Variants in RIMS1 observed in about 807,000 individuals in gnomAD.
The protein encoded by RIMS1 is regulating synaptic membrane exocytosis 1.
In RIMS1, 83 loss-of-function variants were observed where a neutral mutation model predicts 214.1. The observed-to-expected ratio is 0.39, with a 90% confidence interval of 0.32 to 0.47. RIMS1 has a LOEUF of 0.47. RIMS1 is among the 20% of genes least tolerant of loss of function. The pLI is 0.99. For synonymous variants in RIMS1, 793 were observed against 786.8 expected (o/e 1.01, Z -0.13); for missense variants, 2,050 against 2,161.8 (o/e 0.95, Z 1.03).
intron 2 of RIMS1, among the ~76,000 whole-genome samples, chr6:72,056,488 A>C (rs1252919139): frequency 6.6e-6 from 1 of 152,234 alleles, no homozygotes; most frequent in East Asian, 1.9e-4. Flanking sequence ...TGCCTTATGC[A>C]TTATTATGCA....
chr6:71,922,178 C>A (rs576091848), intron 1 of RIMS1, among the ~76,000 whole-genome samples: 1 of 152,216 alleles, frequency 6.6e-6, no homozygotes, highest in South Asian at 2.1e-4. Context: ...TAATACTTAT[C>A]ATTTTAAGCA....
chr6:72,182,161 A>T (rs1196776424), intron 5 of RIMS1, 123 bp from the exon 6 acceptor site: 2 of 1,093,560 alleles, frequency 1.8e-6, no homozygotes, highest in Admixed American at 2.9e-5. Flanking sequence ...CCACCTTCAG[A>T]TCCAAATCCC....
chr6:72,276,647 A>G (rs1445090565), intron 23 of RIMS1, among the ~76,000 whole-genome samples: 1 of 152,134 alleles, frequency 6.6e-6, no homozygotes, highest in Non-Finnish European at 1.5e-5. Flanking sequence ...CAAAATAAAT[A>G]CACTTTACAT....
At chr6:72,085,316 A>C (rs1834384060) in intron 2 of RIMS1, among the ~76,000 whole-genome samples, 1 of 152,210 alleles carries the variant, frequency 6.6e-6, no homozygotes, top group Non-Finnish European at 1.5e-5. Context: ...GATATTTAGA[A>C]TATTGCCTCT....
Position 72,402,514 on chromosome 6 carries a change from C to G in RIMS1, c.*1800C>G, listed in dbSNP as rs1404380585. On this transcript the variant is annotated 3_prime_UTR_variant, in exon 34 of 34. Transcript: ENST00000521978. Reference sequence around the variant, plus strand: ...TACACACTAGGTTTTAATTCATAGACATACTGCCTGCACCAAGTGAATTAT... The same window carrying G: ...TACACACTAGGTTTTAATTCATAGAGATACTGCCTGCACCAAGTGAATTAT... The G allele has an allele frequency of 6.6e-6, 1 of 152,608 alleles. No individual in the cohort carries two copies. The highest frequency in any genetic ancestry group is 6.5e-5 in the Admixed American group (1 of 15,278). 9.5% of individuals were successfully genotyped at this position (152,608 alleles called of 1,614,324 possible). A position where few individuals can be genotyped will look rare whatever the true frequency, so the allele number is the denominator to read the frequency against.
At chr6:72,132,417 A>G (rs150155692) in intron 4 of RIMS1, among the ~76,000 whole-genome samples, 4 of 152,282 alleles carry the variant, frequency 2.6e-5, no homozygotes, top group African/African-American at 9.6e-5. Context: ...AATTCATAAA[A>G]CATGTATTAC....
intron 25 of RIMS1, among the ~76,000 whole-genome samples, chr6:72,291,224 A>C (rs1370944492): frequency 6.6e-6 from 1 of 152,180 alleles, no homozygotes; most frequent in Non-Finnish European, 1.5e-5. Flanking sequence ...AATTTTAAAA[A>C]TCTTTTATAT....
At chr6:72,196,379 C>T (rs200690513) in intron 6 of RIMS1, among the ~76,000 whole-genome samples, 448 of 44,220 alleles carry the variant, frequency 0.01, 2 homozygotes, top group African/African-American at 0.03. Flanking sequence ...GTCTGTCTGT[C>T]TATCTATCTA....
At chr6:72,104,549 C>T (rs761747643) in intron 4 of RIMS1, among the ~76,000 whole-genome samples, 22 of 152,188 alleles carry the variant, frequency 1.4e-4, no homozygotes, top group African/African-American at 5.3e-4. Flanking sequence ...TGTTGGTAGC[C>T]GTTTCCTCTG....
rs1562007736 is a variant in RIMS1, at chr6:71,975,526, G to GATGTT, written c.245+6464_245+6468dup. Among the ~76,000 whole-genome samples, 6 of 152,230 alleles carry GATGTT rather than the reference G, an allele frequency of 3.9e-5. No homozygotes were observed. In the South Asian group the frequency reaches 1.2e-3, roughly 32 times the overall value. The stretch of plus-strand genomic sequence containing the variant: ...CATGGTACATGAATCAGTAAATTCT[G>GATGTT]ATGTTTTGTTTTGTTTGTAGTTTTT... On this transcript the variant is annotated intron_variant, in intron 2 of 33. Transcript: ENST00000521978.
chr6:71,945,466 A>G (rs1272801254), intron 1 of RIMS1, among the ~76,000 whole-genome samples: 1 of 152,158 alleles, frequency 6.6e-6, no homozygotes, highest in Non-Finnish European at 1.5e-5. Context: ...AAGGAATTCT[A>G]TTGACAGTAC....
At chr6:71,983,433 C>A (rs537971757) in intron 2 of RIMS1, among the ~76,000 whole-genome samples, 1 of 150,490 alleles carries the variant, frequency 6.6e-6, no homozygotes, top group African/African-American at 2.4e-5. Flanking sequence ...ATTGTATAAT[C>A]AGAAAAAAAG....
intron 4 of RIMS1, among the ~76,000 whole-genome samples, chr6:72,140,131 T>G (rs1270224791): frequency 6.6e-6 from 1 of 152,186 alleles, no homozygotes; most frequent in African/African-American, 2.4e-5. Context: ...TTTAGAAAAC[T>G]GTTCTGATCA....
chr6:72,000,494 C>G (rs1014205987), intron 2 of RIMS1, among the ~76,000 whole-genome samples: 1 of 152,132 alleles, frequency 6.6e-6, no homozygotes, highest in African/African-American at 2.4e-5. Flanking sequence ...ACAATCTTTT[C>G]TACAACCCAT....
At chr6:72,374,371 A>G (rs1272151890) in intron 29 of RIMS1, among the ~76,000 whole-genome samples, 2 of 152,236 alleles carry the variant, frequency 1.3e-5, no homozygotes, top group African/African-American at 2.4e-5. Context: ...GCAACCAGTC[A>G]GCAGTTTCCC....
intron 4 of RIMS1, among the ~76,000 whole-genome samples, chr6:72,176,156 A>G (rs1424339036): frequency 6.6e-6 from 1 of 152,224 alleles, no homozygotes; most frequent in African/African-American, 2.4e-5. Flanking sequence ...ACTTTAGTTT[A>G]GATTAGTTTG....
chr6:72,267,564 T>C (rs2081165818), intron 22 of RIMS1, among the ~76,000 whole-genome samples: 1 of 152,168 alleles, frequency 6.6e-6, no homozygotes, highest in Non-Finnish European at 1.5e-5. Context: ...CTCCCTTTTT[T>C]ACAGCATAAT....
chr6:72,003,902 G>T (rs865797754), intron 2 of RIMS1, among the ~76,000 whole-genome samples: 1 of 149,686 alleles, frequency 6.7e-6, no homozygotes, highest in African/African-American at 2.5e-5. Context: ...AAGTTTTAGG[G>T]TACATGTGCA....
chr6:72,129,776 T>C (rs2153837491), intron 4 of RIMS1, among the ~76,000 whole-genome samples: 1 of 152,152 alleles, frequency 6.6e-6, no homozygotes, highest in Admixed American at 6.5e-5. Context: ...GTAATCTTTG[T>C]GGTAAAATGG....
Sources: allele counts gnomAD v4.1 joint callset (sites outside exome capture counted in the v4.1 genomes callset), GRCh38; gene constraint gnomAD v4.1.1; transcripts MANE v1.5; gene names NCBI Gene and HGNC (gene_info 2026-07-23, HGNC 2026-07-21).